The following FAM178B variants were observed in gnomAD, a reference collection of about 807,000 sequenced individuals.
The protein encoded by FAM178B is family with sequence similarity 178 member B.
In FAM178B, 82 loss-of-function variants were observed where a neutral mutation model predicts 91.7. The ratio of observed to expected loss-of-function variants is 0.89; its 90% CI spans 0.75 to 1.07. The LOEUF (loss-of-function observed/expected upper bound fraction) is 1.07. Among genes scored for constraint, FAM178B ranks in the 50% least tolerant of loss-of-function variants. FAM178B has a pLI of 0.00. For missense variants in FAM178B, 769 were observed against 846.7 expected (o/e 0.91, Z 1.14); for synonymous variants, 368 against 359.4 (o/e 1.02, Z -0.27).
At chr2:96,903,248 C>G (rs2080968596) in intron 12 of FAM178B, among the ~76,000 whole-genome samples, 1 of 152,178 alleles carries the variant, frequency 6.6e-6, no homozygotes, top group Non-Finnish European at 1.5e-5. Flanking sequence ...ACCATGTTAG[C>G]CAGGATAGTC....
chr2:96,921,436 G>T (rs1421175622), intron 11 of FAM178B, 42 bp downstream of exon 11: 1 of 1,550,124 alleles, frequency 6.5e-7, no homozygotes, highest in Non-Finnish European at 8.7e-7. Context: ...TTGGTCCCTA[G>T]TGATGAAGCT....
At position 96,972,618 on chromosome 2, in the gene FAM178B, C is replaced by G. The variant is rs752910662; in HGVS notation, c.74-12G>C. 2 of 1,550,752 alleles carry G rather than the reference C, an allele frequency of 1.3e-6. No homozygotes were observed. Among genetic ancestry groups the G allele is most frequent in the South Asian group, 2.4e-5 (2 of 84,064 alleles). ...GTGGGACATCTGTCCTGGAAGGAAG[C>G]GCCTGTGAGGGCAGGTGAACCTCCA... On this transcript the variant is annotated splice_polypyrimidine_tract_variant and intron_variant, in intron 1 of 16. Coordinates refer to ENST00000490605, the MANE Select transcript of FAM178B (RefSeq NM_001122646.3).
intron 12 of FAM178B, among the ~76,000 whole-genome samples, chr2:96,905,974 C>A (rs1412326587): frequency 2.8e-5 from 4 of 144,958 alleles, no homozygotes; most frequent in African/African-American, 1.0e-4. Flanking sequence ...TCGGTTCAAG[C>A]GATTCTCCTG....
In FAM178B at chr2:96,909,653, A is replaced by G. The variant is rs576823278; in HGVS notation, c.1563-6946T>C. 2.0e-5 allele frequency among the ~76,000 whole-genome samples: 3 copies of G among 152,236 alleles called. No homozygotes were observed. The East Asian group carries it at 5.8e-4, about 29-fold the overall frequency. On this transcript the variant is annotated intron_variant, in intron 12 of 16. Coordinates refer to ENST00000490605, the MANE Select transcript of FAM178B (RefSeq NM_001122646.3). ...ACAACACAACGCAGTTAACAGATTG[A>G]GCCCAAAGTCTTTTTTTTTCACACG...
In FAM178B at chr2:96,902,720, C is replaced by T. The variant is rs566196070; in HGVS notation, c.1563-13G>A. The T allele has an allele frequency of 3.2e-6, 5 of 1,544,980 alleles. No homozygotes were observed. Among genetic ancestry groups the T allele is most frequent in the East Asian group, 2.4e-5 (1 of 40,828 alleles). The stretch of plus-strand genomic sequence containing the variant: ...GCTTCGAAGCCGCCTGGGGGAAAAG[C>T]GACAGCCTGAGAGAGGGTGTGCTGG... On this transcript the variant is annotated splice_polypyrimidine_tract_variant and intron_variant, in intron 12 of 16. Coordinates refer to ENST00000490605, the MANE Select transcript of FAM178B (RefSeq NM_001122646.3).
chr2:96,878,302 A>G (rs1027905948), intron 15 of FAM178B, 114 bp downstream of exon 15: 5 of 1,037,864 alleles, frequency 4.8e-6, no homozygotes, highest in African/African-American at 1.6e-5. Flanking sequence ...TCAGCCTCCC[A>G]CTCTCTGCAG....
chr2:96,903,099 G>A (rs1471783161), intron 12 of FAM178B, among the ~76,000 whole-genome samples: 1 of 152,148 alleles, frequency 6.6e-6, no homozygotes, highest in Non-Finnish European at 1.5e-5. Flanking sequence ...GAGTGCAGTG[G>A]CACAATCTCG....
chr2:96,929,189 G>A lies in FAM178B; in HGVS notation c.1193+17C>T, dbSNP rs941703338. On this transcript the variant is annotated intron_variant, in intron 9 of 16. Coordinates refer to ENST00000490605, the MANE Select transcript of FAM178B (RefSeq NM_001122646.3). The stretch of plus-strand genomic sequence containing the variant: ...AAATATGAAAGAAAAAGGCAGTGAG[G>A]AAGCAGAAGTACTCACCTGCCACCG... 3 of 1,494,824 alleles carry A rather than the reference G, an allele frequency of 2.0e-6. No individual in the cohort carries two copies. Among genetic ancestry groups the A allele is most frequent in the African/African-American group, 2.8e-5 (2 of 71,862 alleles). The allele number at this position is 1,494,824 out of a possible 1,614,324, so 92.6% of individuals were successfully genotyped here. A position where few individuals can be genotyped will look rare whatever the true frequency, so the allele number is the denominator to read the frequency against.
intron 6 of FAM178B, chr2:96,956,588 A>T (rs1051452126): frequency 6.6e-6 from 1 of 152,216 alleles, no homozygotes; most frequent in African/African-American, 2.4e-5. Context: ...TCAAGAGTTG[A>T]TTTTTTAAAA....
chr2:96,923,322 C>T (rs1035927876), intron 10 of FAM178B, among the ~76,000 whole-genome samples, 168 bp downstream of exon 10: 1 of 152,214 alleles, frequency 6.6e-6, no homozygotes, highest in Non-Finnish European at 1.5e-5. Flanking sequence ...GATCAGGACC[C>T]GTGTCCGATA....
At chr2:96,971,325 C>T (rs919894261) in intron 3 of FAM178B, among the ~76,000 whole-genome samples, 1 of 149,954 alleles carries the variant, frequency 6.7e-6, no homozygotes, top group African/African-American at 2.5e-5. Context: ...CCTCTGTCCC[C>T]CTCTCCCTTG....
At chr2:96,877,009 C>T (rs961180205) in intron 16 of FAM178B, among the ~76,000 whole-genome samples, 4 of 152,212 alleles carry the variant, frequency 2.6e-5, no homozygotes, top group African/African-American at 9.6e-5. Context: ...GCCACCGAGC[C>T]TCTCAGGGCC....
At chr2:96,962,755 GATTGTTAGAGC>G (rs1170034259) in intron 5 of FAM178B, among the ~76,000 whole-genome samples, 1 of 152,214 alleles carries the variant, frequency 6.6e-6, no homozygotes, top group Non-Finnish European at 1.5e-5. Flanking sequence ...GATGCAAGCC[GATTGTTAGAGC>G]ATGCACAGAT....
intron 1 of FAM178B, among the ~76,000 whole-genome samples, chr2:96,973,464 C>T (rs1225655285): frequency 6.6e-6 from 1 of 152,124 alleles, no homozygotes; most frequent in Non-Finnish European, 1.5e-5. Flanking sequence ...AACAAGCGTC[C>T]TCCAGTAGGA....
chr2:96,910,059 C>T (rs1165386778), intron 12 of FAM178B, among the ~76,000 whole-genome samples: 1 of 152,218 alleles, frequency 6.6e-6, no homozygotes, highest in Non-Finnish European at 1.5e-5. Flanking sequence ...AACCTACATA[C>T]AGGCACTGCA....
At chr2:96,954,941 C>T (rs953066866) in intron 6 of FAM178B, among the ~76,000 whole-genome samples, 4 of 152,148 alleles carry the variant, frequency 2.6e-5, no homozygotes, top group African/African-American at 9.7e-5. Context: ...GTCCCAACTA[C>T]TTGGGAGGCC....
chr2:96,986,358 AT>A lies in FAM178B; in HGVS notation c.-46del, dbSNP rs2082424189. 1 of 1,526,464 alleles carries A rather than the reference AT, an allele frequency of 6.6e-7. No individual in the cohort carries two copies. The highest frequency in any genetic ancestry group is 2.5e-5 in the East Asian group (1 of 40,612). 94.6% of individuals were successfully genotyped at this position (1,526,464 alleles called of 1,614,324 possible). A position where few individuals can be genotyped will look rare whatever the true frequency, so the allele number is the denominator to read the frequency against. ...TCCGGGGTGAGGGAGGGTGGCGGGA[AT>A]TCGCACGGCCTCAGAGGACGGGGCC... On this transcript the variant is annotated 5_prime_UTR_variant, in exon 1 of 17. Transcript: ENST00000490605.
intron 13 of FAM178B, among the ~76,000 whole-genome samples, chr2:96,898,828 G>A (rs1332874929): frequency 2.0e-5 from 3 of 152,186 alleles, no homozygotes; most frequent in African/African-American, 7.2e-5. Context: ...CCACTACTGC[G>A]GGTCGGGGGT....
intron 13 of FAM178B, among the ~76,000 whole-genome samples, chr2:96,894,285 G>A (rs551253594): frequency 1.5e-4 from 22 of 151,350 alleles, no homozygotes; most frequent in African/African-American, 5.3e-4. Context: ...AACATACCCA[G>A]CTCCCCCACG....
Sources: allele counts gnomAD v4.1 joint callset (sites outside exome capture counted in the v4.1 genomes callset), GRCh38; gene constraint gnomAD v4.1.1; transcripts MANE v1.5; gene names NCBI Gene and HGNC (gene_info 2026-07-23, HGNC 2026-07-21).